Variants in CENPT observed in about 807,000 individuals in gnomAD.
The protein encoded by CENPT is interphase centromere complex protein 22.
A neutral mutation model predicts 59.7 loss-of-function variants in CENPT; 42 were observed. The ratio of observed to expected loss-of-function variants is 0.70; its 90% CI spans 0.55 to 0.91. The LOEUF (loss-of-function observed/expected upper bound fraction) is 0.91. Among genes scored for constraint, CENPT ranks in the 40% least tolerant of loss-of-function variants. The pLI is 0.00. For synonymous variants in CENPT, 295 were observed against 289.6 expected, an observed-to-expected ratio of 1.02 and a Z score of -0.19; for missense variants, 716 against 713.4, an observed-to-expected ratio of 1.00 and a Z score of -0.04.
chr16:67,842,031 C>T lies in CENPT; in HGVS notation c.-492+5370G>A, dbSNP rs1053429860. On this transcript the variant is annotated intron_variant, in intron 1 of 15. Coordinates refer to ENST00000562787, the MANE Select transcript of CENPT (RefSeq NM_025082.4). The surrounding 1 kb of genome is among the most constrained non-coding windows in gnomAD (Gnocchi z 4.9). ...ATTTGTAGTCTCCGTGGGCATATAC[C>T]CACCGCGCTTGCGCACCGGTGAGGC... is the stretch of plus-strand genomic sequence containing the variant. The T allele has an allele frequency of 9.2e-5, 14 of 152,346 alleles. No individual in the cohort carries two copies. Among genetic ancestry groups the T allele is most frequent in the African/African-American group, 3.4e-4 (14 of 41,470 alleles). 9.4% of individuals were successfully genotyped at this position (152,346 alleles called of 1,614,324 possible). A position where few individuals can be genotyped will look rare whatever the true frequency, so the allele number is the denominator to read the frequency against.
At chr16:67,831,942 T>C in intron 7 of CENPT, 52 bp from the exon 8 acceptor site, 1 of 1,591,364 alleles carries the variant, frequency 6.3e-7, no homozygotes, top group African/African-American at 1.4e-5. Context: ...ATTCTGGCTT[T>C]TGCAACCCCC....
In CENPT at chr16:67,831,076, C is replaced by T. The variant is rs2057682872; in HGVS notation, c.703+140G>A. On this transcript the variant is annotated intron_variant, in intron 10 of 15. Coordinates refer to ENST00000562787, the MANE Select transcript of CENPT (RefSeq NM_025082.4). Reference sequence around the variant, plus strand: ...CCCCTGTAGAAAGCAAGCAGAAATTCCTTGTAGACCCACTGACCAGAGTTG... The same window carrying T: ...CCCCTGTAGAAAGCAAGCAGAAATTTCTTGTAGACCCACTGACCAGAGTTG... 6 of 1,079,212 alleles carry T rather than the reference C, an allele frequency of 5.6e-6. No individual in the cohort carries two copies. In the South Asian group the frequency reaches 8.3e-5, roughly 15 times the overall value. The allele number at this position is 1,079,212 out of a possible 1,614,324, so 66.9% of individuals were successfully genotyped here.
chr16:67,829,269 GGGTGCTCTT>G (rs1417949298), intron 13 of CENPT, 145 bp downstream of exon 13: 1 of 586,770 alleles, frequency 1.7e-6, no homozygotes, highest in Non-Finnish European at 2.9e-6. Context: ...AGGATGGCAG[GGGTGCTCTT>G]GGTGAGCTCT....
rs1238007337 is a variant in CENPT, at chr16:67,833,732, G to A, written c.110+18C>T. The stretch of plus-strand genomic sequence containing the variant: ...GTCCCTCTAGTTGCTCAAGTACTCG[G>A]GGAGCCCCCTCACATACCCAGCCCG... On this transcript the variant is annotated intron_variant, in intron 4 of 15. Coordinates refer to ENST00000562787, the MANE Select transcript of CENPT (RefSeq NM_025082.4). The A allele has an allele frequency of 1.2e-5, 18 of 1,465,184 alleles. No individual in the cohort carries two copies. Among genetic ancestry groups the A allele is most frequent in the Non-Finnish European group, 2.7e-6 (3 of 1,097,434 alleles). The allele number at this position is 1,465,184 out of a possible 1,614,324, so 90.8% of individuals were successfully genotyped here.
rs747219065 is a variant in CENPT, at chr16:67,828,781, C to A, written c.1343G>T (p.Gly448Val). ...VRHPPRPRTT[G>V]PRPRQDPHKA... Reference sequence around the variant, plus strand: ...GTGGGGATCTTGCCGGGGCCTGGGGCCGGTGGTCCGGGGCCTAGGGGGATG... The same window carrying A: ...GTGGGGATCTTGCCGGGGCCTGGGGACGGTGGTCCGGGGCCTAGGGGGATG... Residue 448 changes from glycine to valine, a missense_variant, in exon 14 of 16, where the codon GGC (glycine) becomes GTC (valine). Gly to Val is a moderately radical substitution (Grantham distance 109, BLOSUM62 -3). Coordinates refer to ENST00000562787, the MANE Select transcript of CENPT (RefSeq NM_025082.4). 6.2e-7 allele frequency: 1 copy of A among 1,609,000 alleles called. No individual in the cohort carries two copies. Among genetic ancestry groups the A allele is most frequent in the South Asian group, 1.1e-5 (1 of 90,304 alleles).
At position 67,842,475 on chromosome 16, in the gene CENPT, G is replaced by C. The variant is rs1366758285; in HGVS notation, c.-492+4926C>G. 3.4e-6 allele frequency: 4 copies of C among 1,163,608 alleles called. No homozygotes were observed. Among genetic ancestry groups the C allele is most frequent in the Non-Finnish European group, 4.4e-6 (4 of 918,628 alleles). 72.1% of individuals were successfully genotyped at this position (1,163,608 alleles called of 1,614,324 possible). On this transcript the variant is annotated intron_variant, in intron 1 of 15. Coordinates refer to ENST00000562787, the MANE Select transcript of CENPT (RefSeq NM_025082.4). The surrounding 1 kb of genome is among the most constrained non-coding windows in gnomAD (Gnocchi z 4.9). ...GGCCTCGCGCGGCGCCGCCCGTCGA[G>C]GGGCGGGCGGCGGCGTAGCCACTGG...
At chr16:67,844,161 T>G (rs2057782669) in intron 1 of CENPT, 1 of 166,796 alleles carries the variant, frequency 6.0e-6, no homozygotes, top group Non-Finnish European at 1.5e-5. Flanking sequence ...TGTGTTTGTT[T>G]GGCAAAACAA....
intron 1 of CENPT, among the ~76,000 whole-genome samples, chr16:67,837,565 G>C (rs752665578): frequency 6.6e-6 from 1 of 151,982 alleles, no homozygotes; most frequent in Non-Finnish European, 1.5e-5. Context: ...AAAATTAGCC[G>C]GGCACGATGG....
rs371104081 is a variant in CENPT at position 67,831,563 on chromosome 16, C to G, written c.560+13G>C. ...CCACCCACTCCCAGAACAGGAAACA[C>G]CCAGAGCAGCACCTGGTGAGGGAAG... On this transcript the variant is annotated intron_variant, in intron 9 of 15. Transcript: ENST00000562787. The G allele has an allele frequency of 5.6e-6, 9 of 1,613,902 alleles. No homozygotes were observed. In the African/African-American group the frequency reaches 1.2e-4, roughly 22 times the overall value.
intron 1 of CENPT, among the ~76,000 whole-genome samples, chr16:67,846,087 T>C (rs1784829260): frequency 6.6e-6 from 1 of 152,206 alleles, no homozygotes; most frequent in Admixed American, 6.5e-5. Flanking sequence ...TTACCACAAA[T>C]GTTTGTGTTA....
chr16:67,828,291 G>A lies in CENPT; in HGVS notation c.1662C>T (p.Gly554=), dbSNP rs756009454. The A allele has an allele frequency of 1.2e-5, 20 of 1,602,800 alleles. No individual in the cohort carries two copies. Among genetic ancestry groups the A allele is most frequent in the Non-Finnish European group, 1.7e-5 (20 of 1,171,852 alleles). The part of the protein sequence containing the change: ...RQLLIPCAYS[G]NSVFPAQ ...ACTACTGGGCAGGGAAGACAGAGTTGCCACTGTATGCACAGGGGATGAGCA... is the reference window on the plus strand; with the variant it reads ...ACTACTGGGCAGGGAAGACAGAGTTACCACTGTATGCACAGGGGATGAGCA... Residue 554 remains glycine, a synonymous_variant, in exon 16 of 16, where the codon GGC becomes GGT. Transcript: ENST00000562787.
rs908704082 is a variant in CENPT, at chr16:67,842,728, C to T, written c.-492+4673G>A. ...CCACCTTCCAGCCCACCACAGGCCA[C>T]CGTCTCTGCAGCGTTCACTTCCAGG... On this transcript the variant is annotated intron_variant, in intron 1 of 15. Transcript: ENST00000562787. This position sits in a 1 kb window ranked among gnomAD's most constrained non-coding sequence, Gnocchi z 4.9. The T allele has an allele frequency of 1.9e-6, 3 of 1,607,482 alleles. No homozygotes were observed. Among genetic ancestry groups the T allele is most frequent in the African/African-American group, 1.3e-5 (1 of 74,742 alleles).
chr16:67,829,343 G>C (rs1341294029), intron 13 of CENPT, 80 bp downstream of exon 13: 4 of 1,143,316 alleles, frequency 3.5e-6, no homozygotes, highest in Non-Finnish European at 3.7e-6. Context: ...CCCGTAGGAA[G>C]GGGGAGGACC....
intron 1 of CENPT, chr16:67,846,894 G>C (rs1446975512): frequency 6.6e-6 from 1 of 152,400 alleles, no homozygotes; most frequent in Non-Finnish European, 1.5e-5. Context: ...AGTGCAGCGG[G>C]GCGGGCGAAG....
At chr16:67,830,828 C>T (rs2057680174) in intron 10 of CENPT, 5 of 527,056 alleles carry the variant, frequency 9.5e-6, no homozygotes, top group Middle Eastern at 5.0e-4. Context: ...TAAAATACCT[C>T]TTCGCTGCTT....
rs751837982 is a variant in CENPT at position 67,832,546 on chromosome 16, CTG to C, written c.111-3_111-2del. 1 of 1,613,468 alleles carries C rather than the reference CTG, an allele frequency of 6.2e-7. No individual in the cohort carries two copies. The highest frequency in any genetic ancestry group is 8.5e-7 in the Non-Finnish European group (1 of 1,179,504). ...CGTTTCAAGCAGGGCTCTCCGGGCT[CTG>C]TGTAAAGACCAGCAATTATGCCGAG... On this transcript the variant is annotated splice_acceptor_variant and splice_polypyrimidine_tract_variant and intron_variant, in intron 4 of 15. Transcript: ENST00000562787. LOFTEE classifies it high-confidence loss of function.
chr16:67,829,677 C>T, intron 12 of CENPT, 88 bp downstream of exon 12: 1 of 1,448,598 alleles, frequency 6.9e-7, no homozygotes. Context: ...ACCACCAGTG[C>T]CCGGAAACAC....
rs764220084 is a variant in CENPT at position 67,828,275 on chromosome 16, C to T, written c.1678G>A (p.Ala560Thr). The T allele has an allele frequency of 6.3e-7, 1 of 1,593,662 alleles. No homozygotes were observed. The highest frequency in any genetic ancestry group is 8.6e-7 in the Non-Finnish European group (1 of 1,166,444). ...CAYSGNSVFP[A>T]Q ...GTGTTGAAGCCTGGCCACTACTGGG[C>T]AGGGAAGACAGAGTTGCCACTGTAT... Residue 560 changes from alanine (A) to threonine (T), a missense_variant, in exon 16 of 16, where the codon GCC becomes ACC. Transcript: ENST00000562787.
Position 67,829,764 on chromosome 16 carries a change from C to T in CENPT, c.1186+1G>A, listed in dbSNP as rs1364608764. On this transcript the variant is annotated splice_donor_variant, in intron 12 of 15. Coordinates refer to ENST00000562787, the MANE Select transcript of CENPT (RefSeq NM_025082.4). LOFTEE classifies it high-confidence loss of function. Reference sequence around the variant, plus strand: ...GTCACTCCCTGCACTGGGCCTCTTACCTGCCCTGCCAGAGGCATCCTCATC... The same window carrying T: ...GTCACTCCCTGCACTGGGCCTCTTATCTGCCCTGCCAGAGGCATCCTCATC... 6.2e-7 allele frequency: 1 copy of T among 1,613,670 alleles called. No homozygotes were observed. Among genetic ancestry groups the T allele is most frequent in the Non-Finnish European group, 8.5e-7 (1 of 1,179,668 alleles).
Sources: gnomAD v4.1 joint callset for allele counts (sites outside exome capture counted in the v4.1 genomes callset) on GRCh38, gnomAD v4.1.1 for gene constraint, Gnocchi (gnomAD v3.1) non-coding constraint, MANE v1.5 for transcripts, NCBI Gene and HGNC (gene_info 2026-07-23, HGNC 2026-07-21) for gene names.